The following AREL1 variants were observed in gnomAD, a reference collection of about 807,000 sequenced individuals.
AREL1 encodes apoptosis-resistant E3 ubiquitin protein ligase 1.
AREL1 carries 62 observed loss-of-function variants against 99.0 expected under a neutral mutation model. The observed-to-expected ratio is 0.63, with a 90% CI of 0.51 to 0.77. The LOEUF is 0.77. Ranked by LOEUF, AREL1 falls within the 30% of genes least tolerant of loss-of-function variation. The probability of loss-of-function intolerance (pLI) is 0.00; values close to 1 mark genes in which losing one functional copy is unlikely to be tolerated. For synonymous variants in AREL1, 380 were observed against 376.5 expected, an observed-to-expected ratio of 1.01 and a Z score of -0.11; for missense variants, 879 against 1,027.6, an observed-to-expected ratio of 0.86 and a Z score of 1.98.
At position 74,676,733 on chromosome 14, in the gene AREL1, C is replaced by T; in HGVS notation, c.501G>A (p.Lys167=). Residue 167 remains lysine (K), a synonymous_variant, in exon 6 of 20, where the codon AAG becomes AAA. Coordinates refer to ENST00000356357, the MANE Select transcript of AREL1 (RefSeq NM_001039479.2). Reference sequence around the variant, plus strand: ...TAGAAAAGTGGCACACAATTTTGGTCTTAGAAGGAACCACCATTCCTGGAA... The same window carrying T: ...TAGAAAAGTGGCACACAATTTTGGTTTTAGAAGGAACCACCATTCCTGGAA... ...IFQPGMVVPS[K]TKIVCHFSTL... The T allele has an allele frequency of 6.2e-7, 1 of 1,605,440 alleles. No homozygotes were observed. Among genetic ancestry groups the T allele is most frequent in the East Asian group, 2.3e-5 (1 of 44,388 alleles).
At chr14:74,664,972 G>GTA (rs2089180918) in intron 17 of AREL1, 47 bp from the exon 18 acceptor site, 1 of 1,528,640 alleles carries the variant, frequency 6.5e-7, no homozygotes, top group African/African-American at 1.4e-5. Context: ...GAGAGACAAA[G>GTA]ACCCAATATA....
intron 17 of AREL1, among the ~76,000 whole-genome samples, chr14:74,666,591 G>C (rs930934885): frequency 1.3e-5 from 2 of 151,830 alleles, no homozygotes; most frequent in Non-Finnish European, 1.5e-5. Context: ...TGTCTTATTC[G>C]TTACTCTCTC....
At chr14:74,709,567 A>C (rs868009367) in intron 1 of AREL1, among the ~76,000 whole-genome samples, 4 of 152,230 alleles carry the variant, frequency 2.6e-5, no homozygotes, top group African/African-American at 9.6e-5. Flanking sequence ...TGAATGAATG[A>C]CCAAGCGGCA....
chr14:74,685,990 T>C lies in AREL1; in HGVS notation c.-45-330A>G, dbSNP rs2089739438. 2.6e-5 allele frequency among the ~76,000 whole-genome samples: 4 copies of C among 152,210 alleles called. 1 individual carries two copies. The South Asian group carries it at 8.3e-4, about 32-fold the overall frequency. ...TTCCCAAGACAGTTTCCCTCCCTCA[T>C]GCAAAGTGGTGCTAATTAACACATG... On this transcript the variant is annotated intron_variant, in intron 2 of 19. Transcript: ENST00000356357.
At chr14:74,674,799 C>T (rs1466280362) in intron 8 of AREL1, among the ~76,000 whole-genome samples, 4 of 152,122 alleles carry the variant, frequency 2.6e-5, no homozygotes, top group Non-Finnish European at 5.9e-5. Context: ...CTCCAAGTTA[C>T]TGGATAGCAA....
intron 5 of AREL1, among the ~76,000 whole-genome samples, chr14:74,682,690 T>C (rs2089656953): frequency 6.6e-6 from 1 of 152,216 alleles, no homozygotes; most frequent in African/African-American, 2.4e-5. Context: ...GGATCCCTCA[T>C]GAATGGCTTG....
At position 74,676,199 on chromosome 14, in the gene AREL1, G is replaced by A. The variant is rs764945793; in HGVS notation, c.774C>T (p.Cys258=). 1.2e-6 allele frequency: 2 copies of A among 1,614,094 alleles called. No homozygotes were observed. Among genetic ancestry groups the A allele is most frequent in the Non-Finnish European group, 1.7e-6 (2 of 1,180,024 alleles). ...TGATTGGCTGATTTTGGTATGAAAT[G>A]CAAGCATGGAAGCAGCCTCGAGAAT... ...TLHSRGCFHA[C]ISYQNQPINN... The change falls in exon 7 of 20, where the codon TGC becomes TGT. Residue 258 remains cysteine (C), a synonymous_variant. Transcript: ENST00000356357.
At chr14:74,669,407 A>C (rs1205155564) in intron 15 of AREL1, among the ~76,000 whole-genome samples, 1 of 152,204 alleles carries the variant, frequency 6.6e-6, no homozygotes, top group Admixed American at 6.5e-5. Flanking sequence ...GAGATCATAA[A>C]GCATAGGATG....
At position 74,671,403 on chromosome 14, in the gene AREL1, C is replaced by T. The variant is rs781450596; in HGVS notation, c.1498+5G>A. On this transcript the variant is annotated splice_donor_5th_base_variant and intron_variant, in intron 12 of 19. Coordinates refer to ENST00000356357, the MANE Select transcript of AREL1 (RefSeq NM_001039479.2). ...AAAAGATGAATATAAAATTTCAAAA[C>T]TGACCTTCTTCATCCTGGAAAACAA... The T allele has an allele frequency of 1.0e-5, 13 of 1,256,580 alleles. No homozygotes were observed. Among genetic ancestry groups the T allele is most frequent in the Non-Finnish European group, 1.2e-5 (12 of 972,582 alleles). The allele number at this position is 1,256,580 out of a possible 1,614,324, so 77.8% of individuals were successfully genotyped here.
intron 15 of AREL1, 36 bp downstream of exon 15, chr14:74,669,613 G>A (rs769418362): frequency 1.9e-5 from 30 of 1,603,544 alleles, no homozygotes; most frequent in Non-Finnish European, 2.3e-5. Flanking sequence ...GGAAACTGGA[G>A]AACATAGGAC....
rs749265768 is a variant in AREL1, at chr14:74,676,716, T to C, written c.518A>G (p.His173Arg). 1.2e-6 allele frequency: 2 copies of C among 1,611,870 alleles called. No individual in the cohort carries two copies. Among genetic ancestry groups the C allele is most frequent in the Non-Finnish European group, 1.7e-6 (2 of 1,178,870 alleles). Residue 173 changes from histidine to arginine, a missense_variant, in exon 6 of 20, where the codon CAC becomes CGC. Transcript: ENST00000356357. ...ACAGGTCAATACAAGAGTAGAAAAG[T>C]GGCACACAATTTTGGTCTTAGAAGG... Reference protein sequence around the residue: ...VVPSKTKIVCHFSTLVLTCGQ... With the variant: ...VVPSKTKIVCRFSTLVLTCGQ...
At position 74,712,536 on chromosome 14, in the gene AREL1, C is replaced by T. The variant is rs550746017; in HGVS notation, c.-334+397G>A. On this transcript the variant is annotated intron_variant, in intron 1 of 19. Transcript: ENST00000356357. Reference sequence around the variant, plus strand: ...TTAAAGATGACACACCAAGGCTTCACAATAAATGTGCATTGTATCTCACCA... The same window carrying T: ...TTAAAGATGACACACCAAGGCTTCATAATAAATGTGCATTGTATCTCACCA... 3.3e-5 allele frequency among the ~76,000 whole-genome samples: 5 copies of T among 152,318 alleles called. No homozygotes were observed. In the South Asian group the frequency reaches 1.0e-3, roughly 32 times the overall value.
chr14:74,673,200 C>G lies in AREL1; in HGVS notation c.1177G>C (p.Asp393His), dbSNP rs763402889. Reference sequence around the variant, plus strand: ...AGTGTGAGCAGCTTATGGACAGGGTCAGGACCAAGGTATGAAAACTGGTAA... The same window carrying G: ...AGTGTGAGCAGCTTATGGACAGGGTGAGGACCAAGGTATGAAAACTGGTAA... ...PGTKFSYLGPDPVHKLLTLVV... is the reference protein window; with the variant it reads ...PGTKFSYLGPHPVHKLLTLVV... The change falls in exon 10 of 20, where the codon GAC becomes CAC. Residue 393 changes from aspartate (D) to histidine (H), a missense_variant. Physicochemically the swap from Asp to His is moderately conservative, Grantham distance 81. Transcript: ENST00000356357. 2 of 1,614,072 alleles carry G rather than the reference C, an allele frequency of 1.2e-6. No homozygotes were observed. Among genetic ancestry groups the G allele is most frequent in the South Asian group, 1.1e-5 (1 of 91,058 alleles).
intron 1 of AREL1, among the ~76,000 whole-genome samples, chr14:74,704,327 T>C (rs780436170): frequency 6.6e-5 from 10 of 152,200 alleles, no homozygotes; most frequent in Non-Finnish European, 1.5e-4. Flanking sequence ...CCTGACGACA[T>C]GTGCCCAAGG....
intron 11 of AREL1, 62 bp downstream of exon 11, chr14:74,672,769 A>T: frequency 6.2e-7 from 1 of 1,605,604 alleles, no homozygotes; most frequent in Non-Finnish European, 8.5e-7. Context: ...AGTAACCTGC[A>T]GAATATAGAC....
At chr14:74,693,180 A>C (rs571148595) in intron 1 of AREL1, among the ~76,000 whole-genome samples, 9 of 152,204 alleles carry the variant, frequency 5.9e-5, no homozygotes, top group Non-Finnish European at 1.3e-4. Flanking sequence ...AGGAATTGAG[A>C]CAATATTCAG....
At chr14:74,706,300 GA>G (rs2090178082) in intron 1 of AREL1, among the ~76,000 whole-genome samples, 1 of 152,178 alleles carries the variant, frequency 6.6e-6, no homozygotes, top group Admixed American at 6.5e-5. Context: ...AACTGCGCCT[GA>G]AGTGGCAGGC....
At chr14:74,667,242 GA>G in intron 17 of AREL1, 76 bp downstream of exon 17, 2 of 1,557,272 alleles carry the variant, frequency 1.3e-6, no homozygotes, top group Non-Finnish European at 1.8e-6. Flanking sequence ...TCTCATAAGA[GA>G]AGGTACACCA....
chr14:74,664,027 C>T lies in AREL1; in HGVS notation c.2241G>A (p.Glu747=), dbSNP rs778679369. The part of the protein sequence containing the change: ...WTVVSSLTQE[E]LARLLQFTTG... ...TTGTGAACTGAAGTAGCCGAGCCAA[C>T]TCCTCCTGGGTCAGACTGGAAACCA... The change falls in exon 19 of 20, where the codon GAG becomes GAA. Residue 747 remains glutamate (E), a synonymous_variant. Transcript: ENST00000356357. 1.2e-6 allele frequency: 2 copies of T among 1,614,154 alleles called. No individual in the cohort carries two copies. Among genetic ancestry groups the T allele is most frequent in the South Asian group, 2.2e-5 (2 of 91,082 alleles).
Sources: allele counts gnomAD v4.1 joint callset (sites outside exome capture counted in the v4.1 genomes callset), GRCh38; gene constraint gnomAD v4.1.1; transcripts MANE v1.5; gene names NCBI Gene and HGNC (gene_info 2026-07-23, HGNC 2026-07-21).